The following PPP1R12C variants were observed in gnomAD, a reference collection of about 807,000 sequenced individuals.
PPP1R12C encodes protein phosphatase 1 regulatory subunit 12C.
A neutral mutation model predicts 95.6 loss-of-function variants in PPP1R12C; 48 were observed. That is an observed-to-expected ratio of 0.50 (90% CI 0.40 to 0.64). The LOEUF (loss-of-function observed/expected upper bound fraction) is 0.64, where lower values mean the gene tolerates loss of function less well. Ranked by LOEUF, PPP1R12C falls within the 30% of genes least tolerant of loss-of-function variation. The pLI is 0.00. For missense variants in PPP1R12C, 1,057 were observed against 1,083.3 expected, an observed-to-expected ratio of 0.98 and a Z score of 0.34; for synonymous variants, 480 against 460.8, an observed-to-expected ratio of 1.04 and a Z score of -0.53.
In PPP1R12C at chr19:55,110,042, C is replaced by T. The variant is rs191943064; in HGVS notation, c.571+2425G>A. On this transcript the variant is annotated intron_variant, in intron 3 of 21. Transcript: ENST00000263433. ...ACCCCACGGGAGGGAAGAAGCATGG[C>T]CCCCTCTGAGAAGCTGATGCAAGTT... Among the ~76,000 whole-genome samples the T allele has an allele frequency of 2.0e-3, 308 of 152,316 alleles. 4 individuals carry two copies. Among genetic ancestry groups the T allele is most frequent in the African/African-American group, 6.9e-3 (288 of 41,566 alleles).
intron 16 of PPP1R12C, 30 bp from the exon 17 acceptor site, chr19:55,092,692 G>C: frequency 6.5e-7 from 1 of 1,531,024 alleles, no homozygotes. Flanking sequence ...GGTTCAATGG[G>C]TATGGGAGGG....
intron 12 of PPP1R12C, 29 bp from the exon 13 acceptor site, chr19:55,094,464 G>A: frequency 6.2e-7 from 1 of 1,612,220 alleles, no homozygotes; most frequent in Non-Finnish European, 8.5e-7. Context: ...CCTCAGACAG[G>A]GAACCTGGGG....
chr19:55,095,362 T>G lies in PPP1R12C; in HGVS notation c.1387-4A>C. The G allele has an allele frequency of 6.3e-7, 1 of 1,588,736 alleles. No homozygotes were observed. The highest frequency in any genetic ancestry group is 8.6e-7 in the Non-Finnish European group (1 of 1,167,834). The stretch of plus-strand genomic sequence containing the variant: ...TGGCAAGACGGAGCTCCTTGGCCTG[T>G]GTGGAGAGGAGAAGGGGAGGAAGGG... On this transcript the variant is annotated splice_polypyrimidine_tract_variant and splice_region_variant and intron_variant, in intron 10 of 21. Transcript: ENST00000263433.
In PPP1R12C at chr19:55,096,087, T is replaced by TGG. The variant is rs775662129; in HGVS notation, c.1115_1116dup (p.Ile373ProfsTer52). Reference sequence around the variant, plus strand: ...TCTTCCCCCTCATCCTCGTCCTGGATGGGGGGCCCCCCAGCCCCACCAGGC... The same window carrying TGG: ...TCTTCCCCCTCATCCTCGTCCTGGATGGGGGGGGCCCCCCAGCCCCACCAGGC... On this transcript the variant is annotated frameshift_variant, in exon 8 of 22. Transcript: ENST00000263433. LOFTEE classifies it high-confidence loss of function. The TGG allele has an allele frequency of 6.2e-7, 1 of 1,604,284 alleles. No homozygotes were observed. The highest frequency in any genetic ancestry group is 1.7e-5 in the Admixed American group (1 of 58,136).
chr19:55,098,172 G>A (rs542748458), intron 6 of PPP1R12C, among the ~76,000 whole-genome samples: 136 of 152,292 alleles, frequency 8.9e-4, no homozygotes, highest in African/African-American at 3.1e-3. Context: ...CCAGGGGCAC[G>A]TACTCCCCCG....
intron 3 of PPP1R12C, among the ~76,000 whole-genome samples, chr19:55,104,860 C>T (rs905058129): frequency 2.0e-5 from 3 of 149,542 alleles, no homozygotes; most frequent in African/African-American, 7.4e-5. Context: ...CAACTTCTGC[C>T]TCCCAGGTTC....
chr19:55,095,958 C>CG lies in PPP1R12C; in HGVS notation c.1154-19dup. On this transcript the variant is annotated intron_variant, in intron 8 of 21. Transcript: ENST00000263433. The stretch of plus-strand genomic sequence containing the variant: ...GGGTGGTTCTGTGATGTGGGAACAC[C>CG]GGGCAGGTCACAGAAGATGCCAGTT... 1 of 1,611,060 alleles carries CG rather than the reference C, an allele frequency of 6.2e-7. No individual in the cohort carries two copies. Among genetic ancestry groups the CG allele is most frequent in the Non-Finnish European group, 8.5e-7 (1 of 1,179,228 alleles).
In PPP1R12C at chr19:55,095,961, G is replaced by A. The variant is rs780528590; in HGVS notation, c.1154-21C>T. On this transcript the variant is annotated intron_variant, in intron 8 of 21. Coordinates refer to ENST00000263433, the MANE Select transcript of PPP1R12C (RefSeq NM_017607.4). ...TGGTTCTGTGATGTGGGAACACCGG[G>A]CAGGTCACAGAAGATGCCAGTTGCC... The A allele has an allele frequency of 6.2e-6, 10 of 1,610,780 alleles. No homozygotes were observed. In the African/African-American group the frequency reaches 1.3e-4, roughly 22 times the overall value.
chr19:55,098,460 T>A (rs2084946441), intron 6 of PPP1R12C, among the ~76,000 whole-genome samples: 1 of 152,168 alleles, frequency 6.6e-6, no homozygotes, highest in African/African-American at 2.4e-5. Flanking sequence ...TCTAGGACAA[T>A]CCTGCACATG....
chr19:55,094,831 C>T (rs1165610657), intron 11 of PPP1R12C, 33 bp from the exon 12 acceptor site: 4 of 1,564,664 alleles, frequency 2.6e-6, no homozygotes, highest in Non-Finnish European at 3.5e-6. Context: ...CAAACATTAC[C>T]CAGGTGCATT....
chr19:55,099,514 G>C (rs1040641194), intron 4 of PPP1R12C, among the ~76,000 whole-genome samples: 2 of 152,230 alleles, frequency 1.3e-5, no homozygotes, highest in Non-Finnish European at 2.9e-5. Context: ...CTAGGACCCG[G>C]GCTGGCTTAA....
intron 4 of PPP1R12C, among the ~76,000 whole-genome samples, chr19:55,100,097 T>C (rs1416126992): frequency 6.6e-6 from 1 of 152,232 alleles, no homozygotes; most frequent in Non-Finnish European, 1.5e-5. Context: ...CGCTGGCCTC[T>C]GCACTTGCTG....
intron 6 of PPP1R12C, among the ~76,000 whole-genome samples, chr19:55,098,141 C>T (rs2084943006): frequency 6.6e-6 from 1 of 152,256 alleles, no homozygotes. Context: ...TCACTGAACG[C>T]TGGCATGGCT....
chr19:55,117,184 G>A, intron 1 of PPP1R12C, 39 bp downstream of exon 1: 1 of 1,216,720 alleles, frequency 8.2e-7, no homozygotes, highest in African/African-American at 1.6e-5. Context: ...AGCAGAGGGT[G>A]GACCTGGCCC....
At chr19:55,103,301 T>C (rs2084998060) in intron 4 of PPP1R12C, 108 bp downstream of exon 4, 2 of 1,153,164 alleles carry the variant, frequency 1.7e-6, no homozygotes, top group African/African-American at 1.6e-5. Flanking sequence ...AGGCTGTATT[T>C]AGAGGGAAAT....
At chr19:55,107,238 ACC>A (rs2085048040) in intron 3 of PPP1R12C, among the ~76,000 whole-genome samples, 1 of 152,032 alleles carries the variant, frequency 6.6e-6, no homozygotes, top group Admixed American at 6.6e-5. Context: ...ACATGGTGAA[ACC>A]CCATCTCTAC....
rs1369319471 is a variant in PPP1R12C, at chr19:55,092,337, G to A, written c.2056-11C>T. On this transcript the variant is annotated splice_polypyrimidine_tract_variant and intron_variant, in intron 18 of 21. Coordinates refer to ENST00000263433, the MANE Select transcript of PPP1R12C (RefSeq NM_017607.4). ...CAGCTCTGCATACAGCTGGGGGTCAGGTAGAGGAGGGTCAGGTGGAGGATG... is the reference window on the plus strand; with the variant it reads ...CAGCTCTGCATACAGCTGGGGGTCAAGTAGAGGAGGGTCAGGTGGAGGATG... 1.9e-6 allele frequency: 3 copies of A among 1,584,986 alleles called. No individual in the cohort carries two copies. The highest frequency in any genetic ancestry group is 2.6e-6 in the Non-Finnish European group (3 of 1,165,324).
chr19:55,093,246 G>T lies in PPP1R12C; in HGVS notation c.1684-13C>A. 6.2e-7 allele frequency: 1 copy of T among 1,610,836 alleles called. No individual in the cohort carries two copies. The highest frequency in any genetic ancestry group is 1.1e-5 in the South Asian group (1 of 90,730). Reference sequence around the variant, plus strand: ...TAAGAGTCACACCCTGGCAGGGAAAGGGGACAGTCAGGGGACGCTGGGGTC... The same window carrying T: ...TAAGAGTCACACCCTGGCAGGGAAATGGGACAGTCAGGGGACGCTGGGGTC... On this transcript the variant is annotated splice_polypyrimidine_tract_variant and intron_variant, in intron 13 of 21. Coordinates refer to ENST00000263433, the MANE Select transcript of PPP1R12C (RefSeq NM_017607.4).
Position 55,092,317 on chromosome 19 carries a change from C to G in PPP1R12C, c.2065G>C (p.Glu689Gln). Residue 689 changes from glutamate (E) to glutamine (Q), a missense_variant, in exon 19 of 22, where the codon GAG becomes CAG. Glu to Gln is a conservative substitution (Grantham distance 29). Around this residue, in one of 5 missense-constraint regions of PPP1R12C, gnomAD observed 347 missense variants for 307.9 expected, o/e 1.13. Transcript: ENST00000263433. ...AGCCGCTCGTTCTCCCTGCGCAGCT[C>G]TGCATACAGCTGGGGGTCAGGTAGA... is the stretch of plus-strand genomic sequence containing the variant. ...PDGGFRTLYA[E>Q]LRRENERLRE... The G allele has an allele frequency of 6.3e-7, 1 of 1,597,060 alleles. No homozygotes were observed.
Sources: gnomAD v4.1 joint callset for allele counts (sites outside exome capture counted in the v4.1 genomes callset) on GRCh38, gnomAD v4.1.1 for gene constraint, gnomAD v4.1.1 regional missense constraint, MANE v1.5 for transcripts, NCBI Gene and HGNC (gene_info 2026-07-23, HGNC 2026-07-21) for gene names.